The following LARP6 variants were observed in gnomAD, a reference collection of about 807,000 sequenced individuals.
The protein encoded by LARP6 is La ribonucleoprotein 6, translational regulator.
A neutral mutation model predicts 32.8 loss-of-function variants in LARP6; 18 were observed. The observed-to-expected ratio is 0.55, with a 90% CI of 0.38 to 0.81. LARP6 has a LOEUF of 0.81. Ranked by LOEUF, LARP6 falls within the 40% of genes least tolerant of loss-of-function variation. The probability of loss-of-function intolerance (pLI) is 0.00; values close to 1 mark genes in which losing one functional copy is unlikely to be tolerated. For missense variants in LARP6, 598 were observed against 663.1 expected (o/e 0.90, Z 1.08); for synonymous variants, 289 against 267.2 (o/e 1.08, Z -0.80).
Position 70,832,825 on chromosome 15 carries a change from G to T in LARP6, c.703C>A (p.Pro235Thr), listed in dbSNP as rs1277909499. The T allele has an allele frequency of 8.7e-6, 14 of 1,612,966 alleles. No homozygotes were observed. Among genetic ancestry groups the T allele is most frequent in the African/African-American group, 1.3e-5 (1 of 74,828 alleles). Residue 235 changes from proline (P) to threonine (T), a missense_variant, in exon 3 of 3, where the codon CCT (proline) becomes ACT (threonine). This residue lies in a region of LARP6 where 368 missense variants were observed against 397.9 expected (regional missense o/e 0.92). Coordinates refer to ENST00000299213, the MANE Select transcript of LARP6 (RefSeq NM_018357.4). ...ATGTCAGGGGGCAGCTCTCTCCCAG[G>T]TTTGAGGATCCGCACTGATGAGATG... is the stretch of plus-strand genomic sequence containing the variant. ...GVISSVRILK[P>T]GRELPPDIRR...
Position 70,854,058 on chromosome 15 carries a change from C to A in LARP6, c.31G>T (p.Gly11Trp). The change falls in exon 1 of 3, where the codon GGG becomes TGG. Residue 11 changes from glycine to tryptophan, a missense_variant. Physicochemically the swap from Gly to Trp is radical, Grantham distance 184. Transcript: ENST00000299213. The stretch of plus-strand genomic sequence containing the variant: ...CGGATCTGCACCGCCGTCTTGGGCC[C>A]GGGCCGAGCCTCCCCGCCGGACTGG... MAQSGGEARP[G>W]PKTAVQIRVA... 7.2e-7 allele frequency: 1 copy of A among 1,390,456 alleles called. No homozygotes were observed. The highest frequency in any genetic ancestry group is 9.4e-7 in the Non-Finnish European group (1 of 1,063,906). 86.1% of individuals were successfully genotyped at this position (1,390,456 alleles called of 1,614,324 possible). A position where few individuals can be genotyped will look rare whatever the true frequency, so the allele number is the denominator to read the frequency against.
chr15:70,840,239 G>C (rs1052415593), intron 1 of LARP6, among the ~76,000 whole-genome samples: 2 of 152,184 alleles, frequency 1.3e-5, no homozygotes, highest in Non-Finnish European at 2.9e-5. Context: ...CTAAATAGTA[G>C]TTAAAACAGA....
intron 1 of LARP6, chr15:70,851,889 C>G: frequency 5.8e-6 from 6 of 1,042,980 alleles, no homozygotes; most frequent in Non-Finnish European, 8.2e-6. Context: ...AGAAATCAGT[C>G]AATCAGAGGA....
chr15:70,833,531 T>G (rs2032093693), intron 2 of LARP6, among the ~76,000 whole-genome samples: 1 of 152,204 alleles, frequency 6.6e-6, no homozygotes, highest in African/African-American at 2.4e-5. Context: ...ATGTTAATAG[T>G]GCCATCTCAA....
chr15:70,842,875 G>A (rs868085877), intron 1 of LARP6, among the ~76,000 whole-genome samples: 17 of 152,166 alleles, frequency 1.1e-4, no homozygotes, highest in Non-Finnish European at 1.0e-4. Flanking sequence ...CATGAGTGCT[G>A]TCAGCAGCAA....
In LARP6 at chr15:70,853,870, G is replaced by T. The variant is rs2032563702; in HGVS notation, c.200+19C>A. On this transcript the variant is annotated intron_variant, in intron 1 of 2. Transcript: ENST00000299213. ...GCGCCCCCTCGGGGCCCACCTCCCGGGCCAGCCGCCGCGCCTACCTGTGCC... is the reference window on the plus strand; with the variant it reads ...GCGCCCCCTCGGGGCCCACCTCCCGTGCCAGCCGCCGCGCCTACCTGTGCC... The T allele has an allele frequency of 1.6e-6, 2 of 1,260,596 alleles. No homozygotes were observed. The highest frequency in any genetic ancestry group is 1.0e-6 in the Non-Finnish European group (1 of 1,003,656). 78.1% of individuals were successfully genotyped at this position (1,260,596 alleles called of 1,614,324 possible). A position where few individuals can be genotyped will look rare whatever the true frequency, so the allele number is the denominator to read the frequency against.
chr15:70,833,717 G>C (rs1270217142), intron 2 of LARP6, among the ~76,000 whole-genome samples: 1 of 152,170 alleles, frequency 6.6e-6, no homozygotes. Context: ...AGGATTTGGA[G>C]ATTTTAACAT....
At chr15:70,833,388 G>C (rs568965906) in intron 2 of LARP6, among the ~76,000 whole-genome samples, 54 of 152,210 alleles carry the variant, frequency 3.5e-4, no homozygotes, top group African/African-American at 1.2e-3. Flanking sequence ...TTCTGTGCAA[G>C]TTTAGAGGTT....
In LARP6 at chr15:70,831,811, C is replaced by T. The variant is rs1490321047; in HGVS notation, c.*241G>A. On this transcript the variant is annotated 3_prime_UTR_variant, in exon 3 of 3. Coordinates refer to ENST00000299213, the MANE Select transcript of LARP6 (RefSeq NM_018357.4). Reference sequence around the variant, plus strand: ...GCCCTTCAGGGCCATCACACTCACACACATCAGCCATCATCAAAATAGTGG... The same window carrying T: ...GCCCTTCAGGGCCATCACACTCACATACATCAGCCATCATCAAAATAGTGG... The T allele has an allele frequency of 5.7e-6, 2 of 349,370 alleles. No individual in the cohort carries two copies. Among genetic ancestry groups the T allele is most frequent in the Non-Finnish European group, 1.0e-5 (2 of 195,530 alleles). The allele number at this position is 349,370 out of a possible 1,614,324, so 21.6% of individuals were successfully genotyped here.
chr15:70,835,021 G>C (rs915061377), intron 2 of LARP6, among the ~76,000 whole-genome samples: 1 of 152,222 alleles, frequency 6.6e-6, no homozygotes, highest in African/African-American at 2.4e-5. Flanking sequence ...AGCAAAACAG[G>C]CTGACTCTTG....
chr15:70,839,604 A>G (rs2032214333), intron 1 of LARP6, among the ~76,000 whole-genome samples: 1 of 151,910 alleles, frequency 6.6e-6, no homozygotes, highest in Non-Finnish European at 1.5e-5. Context: ...TTTTTTTGAG[A>G]CAGAGTCTCG....
Position 70,833,020 on chromosome 15 carries a change from T to C in LARP6, c.508A>G (p.Thr170Ala). The part of the protein sequence containing the change: ...LNEDHRKVRR[T>A]TPVPLFPNEN... ...TTGGGGAACAGTGGGACGGGGGTGGTCCTCCTCACCTTCCGGTGGTCCTCA... is the reference window on the plus strand; with the variant it reads ...TTGGGGAACAGTGGGACGGGGGTGGCCCTCCTCACCTTCCGGTGGTCCTCA... The change falls in exon 3 of 3, where the codon ACC (threonine) becomes GCC (alanine). Residue 170 changes from threonine (T) to alanine (A), a missense_variant. Transcript: ENST00000299213. 1 of 1,613,720 alleles carries C rather than the reference T, an allele frequency of 6.2e-7. No homozygotes were observed. The highest frequency in any genetic ancestry group is 8.5e-7 in the Non-Finnish European group (1 of 1,179,834).
chr15:70,841,675 C>T (rs1342537692), intron 1 of LARP6, among the ~76,000 whole-genome samples: 1 of 151,864 alleles, frequency 6.6e-6, no homozygotes, highest in East Asian at 1.9e-4. Flanking sequence ...TGTGGTACTC[C>T]CTCCCACCCC....
intron 2 of LARP6, among the ~76,000 whole-genome samples, chr15:70,834,186 G>A (rs2032106431): frequency 1.3e-5 from 2 of 152,164 alleles, no homozygotes; most frequent in South Asian, 4.1e-4. Context: ...AAGAAGGAAA[G>A]GCTCACTCAC....
In LARP6 at chr15:70,832,212, G is replaced by A. The variant is rs779374027; in HGVS notation, c.1316C>T (p.Ala439Val). The A allele has an allele frequency of 2.0e-5, 32 of 1,613,488 alleles. No homozygotes were observed. Among genetic ancestry groups the A allele is most frequent in the Non-Finnish European group, 2.7e-5 (32 of 1,179,760 alleles). Residue 439 changes from alanine (A) to valine (V), a missense_variant, in exon 3 of 3, where the codon GCC (alanine) becomes GTC (valine). Physicochemically the swap from Ala to Val is moderately conservative, Grantham distance 64 (BLOSUM62 0). This residue lies in a region of LARP6 where 368 missense variants were observed against 397.9 expected (regional missense o/e 0.92). Transcript: ENST00000299213. ...GCTTTTCTCCTGGGTCCCCATCTCG[G>A]CTTGGCGACGCCTCCGGACCCAGGG... The part of the protein sequence containing the change: ...GSPWVRRRRQ[A>V]EMGTQEKSPG...
chr15:70,849,792 C>T (rs1168706431), intron 1 of LARP6: 1 of 152,048 alleles, frequency 6.6e-6, no homozygotes, highest in Non-Finnish European at 1.5e-5. Context: ...AGGAAGAGCC[C>T]TCATTTAAAT....
chr15:70,845,893 G>A (rs1026872940), intron 1 of LARP6, among the ~76,000 whole-genome samples: 5 of 152,214 alleles, frequency 3.3e-5, no homozygotes, highest in African/African-American at 9.6e-5. Context: ...TTTACTCTGC[G>A]GCTGCCAGCT....
intron 1 of LARP6, among the ~76,000 whole-genome samples, chr15:70,836,764 AG>A (rs2032156116): frequency 6.6e-6 from 1 of 152,174 alleles, no homozygotes; most frequent in South Asian, 2.1e-4. Context: ...GTGAAGGCGA[AG>A]GGAGAGACTG....
intron 1 of LARP6, among the ~76,000 whole-genome samples, chr15:70,839,740 G>T (rs1452938706): frequency 6.6e-6 from 1 of 151,962 alleles, no homozygotes; most frequent in Non-Finnish European, 1.5e-5. Flanking sequence ...CCACCACCAC[G>T]CCCGGCTTTA....
Sources: allele counts gnomAD v4.1 joint callset (sites outside exome capture counted in the v4.1 genomes callset), GRCh38; gene constraint gnomAD v4.1.1; regional missense constraint gnomAD v4.1.1; transcripts MANE v1.5; gene names NCBI Gene and HGNC (gene_info 2026-07-23, HGNC 2026-07-21).